The following SLC24A2 variants were observed in gnomAD, a reference collection of about 807,000 sequenced individuals.
SLC24A2 encodes sodium/potassium/calcium exchanger 2.
A neutral mutation model predicts 62.0 loss-of-function variants in SLC24A2; 36 were observed. That is an observed-to-expected ratio of 0.58 (90% confidence interval 0.44 to 0.77). The LOEUF (loss-of-function observed/expected upper bound fraction) is 0.77. Ranked by LOEUF, SLC24A2 falls within the 30% of genes least tolerant of loss-of-function variation. The pLI is 0.00. For synonymous variants in SLC24A2, 358 were observed against 294.0 expected (o/e 1.22, Z -2.23); for missense variants, 846 against 817.9 (o/e 1.03, Z -0.42).
the SLC24A2 span, among the ~76,000 whole-genome samples, chr9:20,098,549 C>A: frequency 2.6e-5 from 4 of 152,218 alleles, no homozygotes; most frequent in Non-Finnish European, 4.4e-5. Context: ...GCCTTATGCT[C>A]CAAACATAAG....
chr9:19,933,984 C>T, the SLC24A2 span, among the ~76,000 whole-genome samples: 3 of 152,014 alleles, frequency 2.0e-5, no homozygotes, highest in Admixed American at 6.6e-5. Flanking sequence ...ATAATGGGGG[C>T]GTGACTGCTA....
the SLC24A2 span, among the ~76,000 whole-genome samples, chr9:20,011,993 A>C: frequency 6.6e-6 from 1 of 152,192 alleles, no homozygotes; most frequent in Non-Finnish European, 1.5e-5. Flanking sequence ...ACACCTTCTC[A>C]TGATAAAAAC....
At chr9:20,188,742 C>G in the SLC24A2 span, among the ~76,000 whole-genome samples, 1 of 151,944 alleles carries the variant, frequency 6.6e-6, no homozygotes, top group Non-Finnish European at 1.5e-5. Context: ...ATGAAGATGG[C>G]CTCTAGAAAC....
the SLC24A2 span, among the ~76,000 whole-genome samples, chr9:20,041,319 G>A: frequency 2.0e-5 from 3 of 152,254 alleles, no homozygotes; most frequent in Non-Finnish European, 4.4e-5. Context: ...TGTAGGAAGT[G>A]TCAGTCCTCC....
At chr9:19,895,382 T>C in the SLC24A2 span, among the ~76,000 whole-genome samples, 12 of 152,088 alleles carry the variant, frequency 7.9e-5, no homozygotes, top group African/African-American at 2.4e-4. Context: ...GCTGTCAAGA[T>C]GTTTCTTGCC....
chr9:19,647,816 G>C (rs779538773), intron 2 of SLC24A2, among the ~76,000 whole-genome samples: 24 of 152,176 alleles, frequency 1.6e-4, no homozygotes, highest in Non-Finnish European at 1.5e-4. Context: ...AAAAATACTT[G>C]ATTTCACAAG....
the SLC24A2 span, among the ~76,000 whole-genome samples, chr9:19,925,140 C>A: frequency 6.6e-6 from 1 of 152,338 alleles, no homozygotes; most frequent in Admixed American, 6.5e-5. Context: ...CACAGACCTG[C>A]ACAGATGTGC....
intron 8 of SLC24A2, among the ~76,000 whole-genome samples, chr9:19,531,191 G>C (rs1269867025): frequency 2.6e-5 from 4 of 152,110 alleles, no homozygotes; most frequent in Non-Finnish European, 4.4e-5. Context: ...CCTAACTGTT[G>C]AACTACTTTA....
chr9:19,518,060 C>T (rs1280819090), intron 10 of SLC24A2, among the ~76,000 whole-genome samples: 6 of 151,872 alleles, frequency 4.0e-5, no homozygotes, highest in Non-Finnish European at 8.8e-5. Context: ...TCTATTAATT[C>T]TATCGTCAAG....
intron 2 of SLC24A2, among the ~76,000 whole-genome samples, chr9:19,630,505 A>AT (rs917056329): frequency 1.3e-5 from 2 of 152,158 alleles, no homozygotes; most frequent in Admixed American, 1.3e-4. Context: ...TAATATAGTG[A>AT]TTTTTATACG....
At chr9:20,202,095 T>TGTGTGTGTG in the SLC24A2 span, among the ~76,000 whole-genome samples, 1 of 118,982 alleles carries the variant, frequency 8.4e-6, no homozygotes, top group Admixed American at 9.5e-5. Context: ...GTGTGTGTGT[T>TGTGTGTGTG]CACACTCTAA....
At chr9:19,547,019 G>A (rs1834612568) in intron 8 of SLC24A2, among the ~76,000 whole-genome samples, 1 of 152,098 alleles carries the variant, frequency 6.6e-6, no homozygotes, top group African/African-American at 2.4e-5. Context: ...AAAATCACCT[G>A]CCTTCTGTGG....
At chr9:19,980,364 G>A in the SLC24A2 span, among the ~76,000 whole-genome samples, 1 of 152,150 alleles carries the variant, frequency 6.6e-6, no homozygotes, top group Non-Finnish European at 1.5e-5. Flanking sequence ...GCACAAAGGT[G>A]ACAGTGAAAA....
At chr9:20,045,986 C>G in the SLC24A2 span, among the ~76,000 whole-genome samples, 1 of 152,112 alleles carries the variant, frequency 6.6e-6, no homozygotes, top group South Asian at 2.1e-4. Flanking sequence ...CCTTAGCAGG[C>G]AACAAAGAAC....
intron 2 of SLC24A2, among the ~76,000 whole-genome samples, chr9:19,673,446 T>C (rs996735089): frequency 7.0e-6 from 1 of 142,684 alleles, no homozygotes; most frequent in Non-Finnish European, 1.5e-5. Context: ...TGTGTGTGCG[T>C]GTGTGTGTGT....
intron 10 of SLC24A2, among the ~76,000 whole-genome samples, chr9:19,517,640 T>C (rs1832994087): frequency 6.6e-6 from 1 of 152,166 alleles, no homozygotes; most frequent in African/African-American, 2.4e-5. Context: ...TACCGGCACT[T>C]TGCCCAGTAG....
At chr9:19,659,994 T>C (rs1399633468) in intron 2 of SLC24A2, among the ~76,000 whole-genome samples, 1 of 152,192 alleles carries the variant, frequency 6.6e-6, no homozygotes, top group African/African-American at 2.4e-5. Context: ...ACCAAGACTT[T>C]TTTGAATACA....
chr9:19,813,317 C>CTTTTT, the SLC24A2 span, among the ~76,000 whole-genome samples: 64 of 86,282 alleles, frequency 7.4e-4, 2 homozygotes, highest in African/African-American at 9.7e-4. Flanking sequence ...TCATCTTCCT[C>CTTTTT]TTTTTTTTTT....
At chr9:20,121,536 A>G in the SLC24A2 span, among the ~76,000 whole-genome samples, 2 of 152,162 alleles carry the variant, frequency 1.3e-5, no homozygotes, top group Non-Finnish European at 2.9e-5. Context: ...AGCACCTACT[A>G]TATGCAAAGC....
Sources: allele counts gnomAD v4.1 joint callset (sites outside exome capture counted in the v4.1 genomes callset), GRCh38; gene constraint gnomAD v4.1.1; transcripts MANE v1.5; gene names NCBI Gene and HGNC (gene_info 2026-07-23, HGNC 2026-07-21).